The following WEE2 variants were observed in gnomAD, a reference collection of about 807,000 sequenced individuals.
The protein encoded by WEE2 is wee1-like protein kinase 2.
Under a neutral mutation model 60.1 loss-of-function variants are expected in WEE2, and 50 were observed. That is an observed-to-expected ratio of 0.83 (90% confidence interval 0.66 to 1.05). The LOEUF is 1.05. Among genes scored for constraint, WEE2 ranks in the 50% least tolerant of loss-of-function variants. The pLI is 0.00. For synonymous variants in WEE2, 240 were observed against 241.0 expected (o/e 1.00, Z 0.04); for missense variants, 631 against 684.3 (o/e 0.92, Z 0.87).
intron 9 of WEE2, among the ~76,000 whole-genome samples, chr7:141,725,624 CA>C (rs34460684): frequency 0.56 from 56,801 of 101,270 alleles, 12,228 homozygotes; most frequent in African/African-American, 0.67. Context: ...GACTCCGTCT[CA>C]AAAAAAAAAA....
At chr7:141,724,094 T>A in intron 7 of WEE2, 46 bp downstream of exon 7, 1 of 1,573,330 alleles carries the variant, frequency 6.4e-7, no homozygotes, top group African/African-American at 1.4e-5. Context: ...TCCTATAAAA[T>A]TTATAGTGAT....
In WEE2 at chr7:141,725,124, G is replaced by T; in HGVS notation, c.1320G>T (p.Trp440Cys). Reference protein sequence around the residue: ...AESLPTNGAAWHHIRKGNFPD... With the variant: ...AESLPTNGAACHHIRKGNFPD... ...CATTGCCCACCAATGGTGCTGCATG[G>T]CACCATATCCGCAAGGGTAACTTTC... Residue 440 changes from tryptophan (W) to cysteine (C), a missense_variant, in exon 9 of 12, where the codon TGG (tryptophan) becomes TGT (cysteine). Trp to Cys is a radical substitution (Grantham distance 215). Coordinates refer to ENST00000397541, the MANE Select transcript of WEE2 (RefSeq NM_001105558.1). The T allele has an allele frequency of 6.2e-7, 1 of 1,614,196 alleles. No homozygotes were observed. The highest frequency in any genetic ancestry group is 1.3e-5 in the African/African-American group (1 of 75,056).
At chr7:141,719,751 T>C (rs1798872555) in intron 4 of WEE2, among the ~76,000 whole-genome samples, 1 of 152,164 alleles carries the variant, frequency 6.6e-6, no homozygotes, top group East Asian at 1.9e-4. Flanking sequence ...ACCTGGCCAA[T>C]CATGATGTGG....
chr7:141,729,277 A>C (rs1383497787), intron 10 of WEE2, among the ~76,000 whole-genome samples: 3 of 152,278 alleles, frequency 2.0e-5, no homozygotes, highest in Admixed American at 2.0e-4. Flanking sequence ...ACTTAATTTA[A>C]AGCATTTTAA....
chr7:141,719,602 C>T (rs888900280), intron 4 of WEE2, among the ~76,000 whole-genome samples: 3 of 152,054 alleles, frequency 2.0e-5, no homozygotes, highest in Admixed American at 6.5e-5. Context: ...AGGCGCGCAC[C>T]ACTACACCTG....
chr7:141,710,208 C>T (rs1440858216), intron 1 of WEE2, among the ~76,000 whole-genome samples: 6 of 152,180 alleles, frequency 3.9e-5, no homozygotes, highest in Admixed American at 3.9e-4. Flanking sequence ...AAAGAGCTTA[C>T]AGTCTAGCAG....
intron 2 of WEE2, among the ~76,000 whole-genome samples, chr7:141,715,120 GT>G (rs1798774441): frequency 6.6e-6 from 1 of 152,154 alleles, no homozygotes; most frequent in Non-Finnish European, 1.5e-5. Flanking sequence ...ATGTCAAGTT[GT>G]TTCTTTGGAG....
intron 1 of WEE2, 102 bp downstream of exon 1, chr7:141,709,202 A>C (rs1010826253): frequency 1.1e-5 from 9 of 848,388 alleles, no homozygotes; most frequent in Non-Finnish European, 1.7e-5. Context: ...AGTCACCTCC[A>C]GGCTGTGTAT....
chr7:141,723,410 T>G, intron 6 of WEE2, 130 bp downstream of exon 6: 4 of 1,035,582 alleles, frequency 3.9e-6, no homozygotes, highest in Non-Finnish European at 4.2e-6. Context: ...CTTCCATTTG[T>G]GTTCCTTAAA....
intron 6 of WEE2, among the ~76,000 whole-genome samples, chr7:141,723,541 A>G: frequency 6.6e-6 from 1 of 152,232 alleles, no homozygotes; most frequent in East Asian, 1.9e-4. Context: ...CTACAAAGGC[A>G]AGTGACAGCA....
Position 141,729,526 on chromosome 7 carries a change from T to G in WEE2, c.1536-5T>G. ...AGCCTTTGCTTTTTCTCCCTCGCAC[T>G]TCAGGGAACTGAGAGAAGCCCAGCA... is the stretch of plus-strand genomic sequence containing the variant. On this transcript the variant is annotated splice_region_variant and splice_polypyrimidine_tract_variant and intron_variant, in intron 10 of 11. Transcript: ENST00000397541. 1.2e-6 allele frequency: 2 copies of G among 1,614,238 alleles called. No homozygotes were observed. Among genetic ancestry groups the G allele is most frequent in the Middle Eastern group, 1.6e-4 (1 of 6,062 alleles).
At chr7:141,729,993 A>G (rs1477600971) in intron 11 of WEE2, among the ~76,000 whole-genome samples, 1 of 151,368 alleles carries the variant, frequency 6.6e-6, no homozygotes, top group Non-Finnish European at 1.5e-5. Context: ...GTATCTAAAA[A>G]AAAAAAAAAA....
At position 141,720,141 on chromosome 7, in the gene WEE2, C is replaced by CTTTTTTTTT. The variant is rs571238574; in HGVS notation, c.759-770_759-762dup. On this transcript the variant is annotated intron_variant, in intron 4 of 11. Transcript: ENST00000397541. ...GTTTTATACAGGTTTTAGAATTCCT[C>CTTTTTTTTT]TTTTTTTTTTTTTTTTTTTTTTTTT... Among the ~76,000 whole-genome samples, 66 of 64,202 alleles carry CTTTTTTTTT rather than the reference C, an allele frequency of 1.0e-3. 11 individuals are homozygous for CTTTTTTTTT. Among genetic ancestry groups the CTTTTTTTTT allele is most frequent in the East Asian group, 5.4e-3 (8 of 1,488 alleles). 42.1% of individuals were successfully genotyped at this position (64,202 alleles called of 152,430 possible). A position where few individuals can be genotyped will look rare whatever the true frequency, so the allele number is the denominator to read the frequency against.
In WEE2 at chr7:141,727,584, G is replaced by T. The variant is rs1418183780; in HGVS notation, c.1535+138G>T. Reference sequence around the variant, plus strand: ...TAATACATAGGTCCCTGCCCACAAGGAAACTGGCAGCATGCGGCTCTTTGT... The same window carrying T: ...TAATACATAGGTCCCTGCCCACAAGTAAACTGGCAGCATGCGGCTCTTTGT... On this transcript the variant is annotated intron_variant, in intron 10 of 11. Transcript: ENST00000397541. 3 of 1,117,752 alleles carry T rather than the reference G, an allele frequency of 2.7e-6. No individual in the cohort carries two copies. The African/African-American group carries it at 4.7e-5, about 17-fold the overall frequency. 69.2% of individuals were successfully genotyped at this position (1,117,752 alleles called of 1,614,324 possible).
In WEE2 at chr7:141,708,688, T is replaced by A. The variant is rs1798659456; in HGVS notation, c.-71T>A. On this transcript the variant is annotated 5_prime_UTR_variant, in exon 1 of 12. Coordinates refer to ENST00000397541, the MANE Select transcript of WEE2 (RefSeq NM_001105558.1). ...GCAGGTTAAGTTATTTTCTCCTCCCTGCTTCTGTAGGTTCACAGCGTTCCC... is the reference window on the plus strand; with the variant it reads ...GCAGGTTAAGTTATTTTCTCCTCCCAGCTTCTGTAGGTTCACAGCGTTCCC... 2 of 1,357,882 alleles carry A rather than the reference T, an allele frequency of 1.5e-6. No homozygotes were observed. Among genetic ancestry groups the A allele is most frequent in the African/African-American group, 1.5e-5 (1 of 68,418 alleles). 84.1% of individuals were successfully genotyped at this position (1,357,882 alleles called of 1,614,324 possible).
intron 5 of WEE2, among the ~76,000 whole-genome samples, chr7:141,722,272 G>A (rs893491325): frequency 2.2e-4 from 33 of 152,148 alleles, no homozygotes; most frequent in Admixed American, 2.0e-4. Flanking sequence ...AGGTGTGGTG[G>A]CATGCACCTT....
chr7:141,722,368 G>C (rs1798930203), intron 5 of WEE2, among the ~76,000 whole-genome samples: 1 of 152,100 alleles, frequency 6.6e-6, no homozygotes, highest in South Asian at 2.1e-4. Flanking sequence ...CCATGCCATT[G>C]TACTCCAGCC....
intron 1 of WEE2, among the ~76,000 whole-genome samples, chr7:141,709,544 C>T (rs1584736265): frequency 1.3e-5 from 2 of 152,262 alleles, no homozygotes; most frequent in East Asian, 3.9e-4. Context: ...TCCATTACGC[C>T]AACTGGCTCT....
In WEE2 at chr7:141,723,169, A is replaced by G. The variant is rs759571098; in HGVS notation, c.916A>G (p.Lys306Glu). Residue 306 changes from lysine to glutamate, a missense_variant, in exon 6 of 12, where the codon AAG becomes GAG. By Grantham distance (56) the Lys-to-Glu change is moderately conservative. Transcript: ENST00000397541. ...SLQAAISENT[K>E]SGNHFEEPKL... is the part of the protein sequence containing the mutation. ...GCAAGCTGCTATATCTGAAAACACT[A>G]AGTCTGGCAATCATTTTGAAGAGCC... 1 of 1,614,170 alleles carries G rather than the reference A, an allele frequency of 6.2e-7. No homozygotes were observed. The highest frequency in any genetic ancestry group is 1.1e-5 in the South Asian group (1 of 91,084).
Sources: allele counts gnomAD v4.1 joint callset (sites outside exome capture counted in the v4.1 genomes callset), GRCh38; gene constraint gnomAD v4.1.1; transcripts MANE v1.5; gene names NCBI Gene and HGNC (gene_info 2026-07-23, HGNC 2026-07-21).